The following STPG2 variants were observed in gnomAD, a reference collection of about 807,000 sequenced individuals.
The protein encoded by STPG2 is sperm tail PG-rich repeat containing 2.
STPG2 carries 56 observed loss-of-function variants against 54.2 expected under a neutral mutation model. The ratio of observed to expected loss-of-function variants is 1.03; its 90% CI spans 0.83 to 1.29. STPG2 has a LOEUF of 1.29. Among genes scored for constraint, STPG2 ranks in the 50% most tolerant of loss-of-function variants. STPG2 has a pLI of 0.00. For synonymous variants in STPG2, 200 were observed against 181.8 expected (o/e 1.10, Z -0.81); for missense variants, 596 against 544.9 (o/e 1.09, Z -0.93).
intron 10 of STPG2, among the ~76,000 whole-genome samples, chr4:97,614,276 A>C (rs563293716): frequency 1.3e-5 from 2 of 149,894 alleles, no homozygotes; most frequent in Admixed American, 6.8e-5. Flanking sequence ...TAGCTGAAGA[A>C]AAATATGTGC....
At chr4:97,919,925 T>C (rs758496664) in intron 8 of STPG2, among the ~76,000 whole-genome samples, 1 of 152,222 alleles carries the variant, frequency 6.6e-6, no homozygotes, top group Non-Finnish European at 1.5e-5. Flanking sequence ...CTTGAATTTA[T>C]TGAATAGCCT....
intron 8 of STPG2, among the ~76,000 whole-genome samples, chr4:97,913,965 T>C (rs1428773420): frequency 2.0e-5 from 3 of 152,096 alleles, no homozygotes; most frequent in South Asian, 2.1e-4. Context: ...TAATTGCAAA[T>C]CCTGAGAATA....
chr4:97,529,154 T>G (rs1731356491), intron 4 of STPG2, among the ~76,000 whole-genome samples: 1 of 152,132 alleles, frequency 6.6e-6, no homozygotes, highest in Non-Finnish European at 1.5e-5. Flanking sequence ...TGAGATACAT[T>G]CCATCAATAC....
At chr4:97,925,562 G>T (rs548292595) in intron 8 of STPG2, among the ~76,000 whole-genome samples, 1 of 152,054 alleles carries the variant, frequency 6.6e-6, no homozygotes, top group Non-Finnish European at 1.5e-5. Flanking sequence ...GTGGTTAGTT[G>T]TATAATAAGA....
At chr4:97,540,797 ATGG>A (rs1202660028) in intron 4 of STPG2, among the ~76,000 whole-genome samples, 1 of 152,156 alleles carries the variant, frequency 6.6e-6, no homozygotes, top group Non-Finnish European at 1.5e-5. Flanking sequence ...CATTCCTGGG[ATGG>A]AAGGCTGGTT....
chr4:98,089,918 T>C (rs541968763), intron 5 of STPG2, among the ~76,000 whole-genome samples: 1 of 152,084 alleles, frequency 6.6e-6, no homozygotes, highest in Non-Finnish European at 1.5e-5. Flanking sequence ...CTTGTTTATT[T>C]GTTTGACTTC....
intron 5 of STPG2, among the ~76,000 whole-genome samples, chr4:98,014,420 C>G (rs1050525716): frequency 1.3e-5 from 2 of 152,084 alleles, no homozygotes; most frequent in Admixed American, 1.3e-4. Context: ...GTCATGCCAG[C>G]TGCCTAGTCA....
At chr4:97,877,343 G>A (rs771342389) in intron 8 of STPG2, among the ~76,000 whole-genome samples, 1 of 152,092 alleles carries the variant, frequency 6.6e-6, no homozygotes. Context: ...TATGGGCAAA[G>A]GACATGAACA....
chr4:97,568,781 C>G (rs1343518332), intron 10 of STPG2, among the ~76,000 whole-genome samples: 1 of 152,024 alleles, frequency 6.6e-6, no homozygotes, highest in Non-Finnish European at 1.5e-5. Context: ...CAAACAACAA[C>G]AACAAATGAT....
intron 8 of STPG2, among the ~76,000 whole-genome samples, chr4:97,850,735 C>G (rs905286575): frequency 1.3e-5 from 2 of 152,186 alleles, no homozygotes; most frequent in Non-Finnish European, 2.9e-5. Context: ...CTTCTATTTT[C>G]TTTGCATTGG....
chr4:97,920,616 C>G (rs919161205), intron 8 of STPG2, among the ~76,000 whole-genome samples: 1 of 151,860 alleles, frequency 6.6e-6, no homozygotes, highest in Non-Finnish European at 1.5e-5. Flanking sequence ...AGCAGTGCCA[C>G]AGAGGATTTA....
At chr4:97,800,081 A>T (rs112041921) in intron 9 of STPG2, among the ~76,000 whole-genome samples, 1 of 152,134 alleles carries the variant, frequency 6.6e-6, no homozygotes, top group Admixed American at 6.5e-5. Context: ...TTAGCCATTC[A>T]TCTAACCTTT....
chr4:97,584,852 A>C (rs1436878851), intron 10 of STPG2, among the ~76,000 whole-genome samples: 1 of 151,826 alleles, frequency 6.6e-6, no homozygotes, highest in African/African-American at 2.4e-5. Context: ...AACAGGTAGC[A>C]AGATTAAAAT....
rs1215694639 is a variant in STPG2 at position 97,943,988 on chromosome 4, C to T, written c.953G>A (p.Gly318Asp). Residue 318 changes from glycine to aspartate, a missense_variant, in exon 8 of 11, where the codon GGT becomes GAT. Transcript: ENST00000295268. The part of the protein sequence containing the change: ...ADYQEFWHSQ[G>D]VGISDELPNL... The stretch of plus-strand genomic sequence containing the variant: ...AGGTAATTCATCAGAAATTCCCACA[C>T]CCTGTGAATGCCAAAATTCCTGTTG... The T allele has an allele frequency of 2.5e-6, 4 of 1,609,394 alleles. No individual in the cohort carries two copies. The highest frequency in any genetic ancestry group is 1.7e-5 in the Admixed American group (1 of 59,204).
chr4:97,604,953 T>C (rs1457310208), intron 10 of STPG2, among the ~76,000 whole-genome samples: 2 of 151,736 alleles, frequency 1.3e-5, no homozygotes, highest in Admixed American at 1.3e-4. Context: ...GTAAATAAAA[T>C]AGAACTTTAG....
intron 4 of STPG2, among the ~76,000 whole-genome samples, chr4:97,495,317 A>C (rs1429041416): frequency 6.6e-6 from 1 of 151,410 alleles, no homozygotes; most frequent in East Asian, 1.9e-4. Flanking sequence ...GTCTAAGCTA[A>C]AGTATAGCAT....
intron 7 of STPG2, among the ~76,000 whole-genome samples, chr4:97,950,082 ATTTG>A (rs1292176432): frequency 6.6e-6 from 1 of 151,694 alleles, no homozygotes; most frequent in Non-Finnish European, 1.5e-5. Context: ...AGAAGTTCTG[ATTTG>A]TTTCTTTTTA....
intron 5 of STPG2, among the ~76,000 whole-genome samples, chr4:98,077,440 G>GT (rs1738207757): frequency 6.6e-6 from 1 of 152,120 alleles, no homozygotes; most frequent in South Asian, 2.1e-4. Context: ...GTTTCACCGT[G>GT]TTAGCCAGGA....
intron 8 of STPG2, among the ~76,000 whole-genome samples, chr4:97,873,803 TAG>T (rs1730077533): frequency 6.6e-6 from 1 of 151,600 alleles, no homozygotes; most frequent in Non-Finnish European, 1.5e-5. Flanking sequence ...AAATTCTAAT[TAG>T]TAACTTAACA....
Sources: gnomAD v4.1 joint callset for allele counts (sites outside exome capture counted in the v4.1 genomes callset) on GRCh38, gnomAD v4.1.1 for gene constraint, MANE v1.5 for transcripts, NCBI Gene and HGNC (gene_info 2026-07-23, HGNC 2026-07-21) for gene names.